The following ANPEP variants were observed in gnomAD, a reference collection of about 807,000 sequenced individuals.
ANPEP encodes aminopeptidase N.
In ANPEP, 70 loss-of-function variants were observed where a neutral mutation model predicts 114.6. The observed-to-expected ratio is 0.61, with a 90% confidence interval of 0.50 to 0.75. The LOEUF (loss-of-function observed/expected upper bound fraction) is 0.75, where lower values mean the gene tolerates loss of function less well. ANPEP is among the 30% of genes least tolerant of loss of function. ANPEP has a pLI of 0.00. For synonymous variants in ANPEP, 548 were observed against 522.3 expected (o/e 1.05, Z -0.67); for missense variants, 1,184 against 1,259.5 (o/e 0.94, Z 0.91).
At chr15:89,793,527 C>T (rs1968672513) in intron 15 of ANPEP, among the ~76,000 whole-genome samples, 3 of 151,850 alleles carry the variant, frequency 2.0e-5, no homozygotes, top group Admixed American at 2.0e-4. Context: ...ATGGTGAAAC[C>T]ACGTCTCTAC....
intron 11 of ANPEP, 36 bp from the exon 12 acceptor site, chr15:89,801,223 G>A (rs369325833): frequency 2.8e-5 from 44 of 1,599,746 alleles, no homozygotes; most frequent in Middle Eastern, 1.7e-4. Context: ...GAGAGATGGC[G>A]GTGTGGTCAC....
chr15:89,788,338 ATTACAC>A (rs1001696698), intron 20 of ANPEP, among the ~76,000 whole-genome samples: 5 of 152,326 alleles, frequency 3.3e-5, no homozygotes, highest in Middle Eastern at 3.4e-3. Context: ...TCTTGAAAAC[ATTACAC>A]TAAGTGAAAG....
In ANPEP at chr15:89,801,591, G is replaced by A; in HGVS notation, c.1586C>T (p.Ser529Phe). 6.2e-7 allele frequency: 1 copy of A among 1,613,932 alleles called. No homozygotes were observed. Among genetic ancestry groups the A allele is most frequent in the Non-Finnish European group, 8.5e-7 (1 of 1,179,868 alleles). ...DHLQEAVNNRSIQLPTTVRDI... is the reference protein window; with the variant it reads ...DHLQEAVNNRFIQLPTTVRDI... Reference sequence around the variant, plus strand: ...CCGCACGGTGGTGGGGAGTTGGATGGACCGGTTGTTCACAGCCTGTGGGTG... The same window carrying A: ...CCGCACGGTGGTGGGGAGTTGGATGAACCGGTTGTTCACAGCCTGTGGGTG... Residue 529 changes from serine (S) to phenylalanine (F), a missense_variant, in exon 11 of 21, where the codon TCC becomes TTC. Ser to Phe is a radical substitution (Grantham distance 155, BLOSUM62 -2). Coordinates refer to ENST00000300060, the MANE Select transcript of ANPEP (RefSeq NM_001150.3).
At chr15:89,797,832 ATCC>A in intron 14 of ANPEP, 110 bp from the exon 15 acceptor site, 1 of 1,446,378 alleles carries the variant, frequency 6.9e-7, no homozygotes, top group Non-Finnish European at 9.5e-7. Context: ...GGCCCCCTGT[ATCC>A]ACTCCTGGAG....
Position 89,799,644 on chromosome 15 carries a change from C to T in ANPEP, c.1820-85G>A, listed in dbSNP as rs1894545858. Reference sequence around the variant, plus strand: ...CCTCTTGCAAGAGCAGCTGCCCCCGCAGCCTGGCACCACCTCACCCTCAAG... The same window carrying T: ...CCTCTTGCAAGAGCAGCTGCCCCCGTAGCCTGGCACCACCTCACCCTCAAG... On this transcript the variant is annotated intron_variant, in intron 12 of 20. Coordinates refer to ENST00000300060, the MANE Select transcript of ANPEP (RefSeq NM_001150.3). This position sits in a 1 kb window ranked among gnomAD's most constrained non-coding sequence, Gnocchi z 4.2. 1.3e-6 allele frequency: 2 copies of T among 1,581,202 alleles called. No homozygotes were observed. The highest frequency in any genetic ancestry group is 2.2e-5 in the East Asian group (1 of 44,654).
In ANPEP at chr15:89,801,286, C is replaced by T. The variant is rs908622822; in HGVS notation, c.1743-99G>A. 38 of 1,545,972 alleles carry T rather than the reference C, an allele frequency of 2.5e-5. No individual in the cohort carries two copies. The African/African-American group carries it at 2.6e-4, about 11-fold the overall frequency. On this transcript the variant is annotated intron_variant, in intron 11 of 20. Coordinates refer to ENST00000300060, the MANE Select transcript of ANPEP (RefSeq NM_001150.3). ...CCCAGCTTCTGCCCAGCTCTGGCAC[C>T]GAGTGCCCCTGAACTCCTGGCTCTG...
intron 18 of ANPEP, among the ~76,000 whole-genome samples, chr15:89,791,440 T>A (rs1968623061): frequency 6.6e-6 from 1 of 151,906 alleles, no homozygotes; most frequent in Non-Finnish European, 1.5e-5. Context: ...TTTTCTTTTC[T>A]CTTTTCTTTT....
At chr15:89,812,373 C>T (rs1894831924) in intron 1 of ANPEP, among the ~76,000 whole-genome samples, 1 of 152,250 alleles carries the variant, frequency 6.6e-6, no homozygotes, top group Non-Finnish European at 1.5e-5. Context: ...CCAGGGCACA[C>T]TCTGTCCCCG....
intron 4 of ANPEP, 123 bp from the exon 5 acceptor site, chr15:89,804,740 G>T: frequency 7.2e-7 from 1 of 1,386,028 alleles, no homozygotes; most frequent in Non-Finnish European, 9.8e-7. Context: ...GGCCAATCAA[G>T]CTAAACCTAG....
intron 14 of ANPEP, among the ~76,000 whole-genome samples, chr15:89,798,894 G>A (rs760614430): frequency 3.9e-5 from 6 of 152,158 alleles, no homozygotes; most frequent in African/African-American, 1.4e-4. Flanking sequence ...AGCTGAGATC[G>A]CGCCACTGTA....
At chr15:89,788,460 G>A (rs536490295) in intron 20 of ANPEP, among the ~76,000 whole-genome samples, 1 of 152,336 alleles carries the variant, frequency 6.6e-6, no homozygotes, top group Non-Finnish European at 1.5e-5. Flanking sequence ...GTGGTTGCCA[G>A]GGGCTGAGGG....
At position 89,799,877 on chromosome 15, in the gene ANPEP, T is replaced by A. The variant is rs1894552095; in HGVS notation, c.1820-318A>T. ...TCCTCCTCCTTGCCCTCCTCCACAC[T>A]CCATCACACCTGTCACCCAAGTGGG... On this transcript the variant is annotated intron_variant, in intron 12 of 20. Transcript: ENST00000300060. This position sits in a 1 kb window ranked among gnomAD's most constrained non-coding sequence, Gnocchi z 4.2. Among the ~76,000 whole-genome samples, 1 of 152,026 alleles carries A rather than the reference T, an allele frequency of 6.6e-6. No homozygotes were observed. The highest frequency in any genetic ancestry group is 6.6e-5 in the Admixed American group (1 of 15,264).
intron 15 of ANPEP, among the ~76,000 whole-genome samples, chr15:89,797,095 ATC>A (rs138832765): frequency 0.017 from 2,558 of 152,176 alleles, 74 homozygotes; most frequent in African/African-American, 0.058. Context: ...CAATACCCAC[ATC>A]TCTCTCATAG....
At chr15:89,807,720 C>T (rs1894743971) in intron 1 of ANPEP, among the ~76,000 whole-genome samples, 1 of 152,100 alleles carries the variant, frequency 6.6e-6, no homozygotes, top group African/African-American at 2.4e-5. Context: ...AAAATCGTTC[C>T]CTTCTTTCTT....
rs779724705 is a variant in ANPEP at position 89,806,038 on chromosome 15, G to A, written c.546C>T (p.Phe182=). 15 of 1,611,926 alleles carry A rather than the reference G, an allele frequency of 9.3e-6. No individual in the cohort carries two copies. Among genetic ancestry groups the A allele is most frequent in the Non-Finnish European group, 7.6e-6 (9 of 1,178,360 alleles). ...CCAGGTCATCTGCCAACTCCCCCTC[G>A]AACTCGCTGTCCATCTCATACTGGC... ...KDSQYEMDSE[F]EGELADDLAG... is the part of the protein sequence containing the mutation. Residue 182 remains phenylalanine (F), a synonymous_variant, in exon 2 of 21, where the codon TTC becomes TTT. Coordinates refer to ENST00000300060, the MANE Select transcript of ANPEP (RefSeq NM_001150.3). This position sits in a 1 kb window ranked among gnomAD's most constrained non-coding sequence, Gnocchi z 5.7.
At position 89,805,322 on chromosome 15, in the gene ANPEP, T is replaced by G; in HGVS notation, c.756A>C (p.Lys252Asn). 6.2e-7 allele frequency: 1 copy of G among 1,613,922 alleles called. No homozygotes were observed. Among genetic ancestry groups the G allele is most frequent in the South Asian group, 1.1e-5 (1 of 91,082 alleles). Reference protein sequence around the residue: ...DLTALSNMLPKGPSTPLPEDP... With the variant: ...DLTALSNMLPNGPSTPLPEDP... ...TGGCCGCAGGCAGGGCCCACTCACC[T>G]TTGGGAAGCATGTTGGACAGGGCTG... The change falls in exon 3 of 21, where the codon AAA becomes AAC. Residue 252 changes from lysine (K) to asparagine (N), a missense_variant and splice_region_variant. Transcript: ENST00000300060.
chr15:89,797,846 C>T (rs1227277736), intron 14 of ANPEP, 124 bp from the exon 15 acceptor site: 15 of 1,330,808 alleles, frequency 1.1e-5, no homozygotes, highest in Non-Finnish European at 1.6e-5. Context: ...ACTCCTGGAG[C>T]CGGAGGTCCC....
chr15:89,813,523 G>T (rs538047521), intron 1 of ANPEP, among the ~76,000 whole-genome samples: 1 of 152,126 alleles, frequency 6.6e-6, no homozygotes, highest in South Asian at 2.1e-4. Context: ...TGTGGCCTTC[G>T]AGGCTAGGGC....
rs1894666158 is a variant in ANPEP, at chr15:89,804,477, G to A, written c.1024+14C>T. The A allele has an allele frequency of 1.2e-6, 2 of 1,614,162 alleles. No individual in the cohort carries two copies. The highest frequency in any genetic ancestry group is 1.3e-5 in the African/African-American group (1 of 75,060). ...CTCCATCCACTGCCTCCCTCCTCAA[G>A]GACCCCCACTCACCTGATTTTGGGA... On this transcript the variant is annotated intron_variant, in intron 5 of 20. Coordinates refer to ENST00000300060, the MANE Select transcript of ANPEP (RefSeq NM_001150.3).
Sources: gnomAD v4.1 joint callset for allele counts (sites outside exome capture counted in the v4.1 genomes callset) on GRCh38, gnomAD v4.1.1 for gene constraint, Gnocchi (gnomAD v3.1) non-coding constraint, MANE v1.5 for transcripts, NCBI Gene and HGNC (gene_info 2026-07-23, HGNC 2026-07-21) for gene names.